The following ADCY1 variants were observed in gnomAD, a reference collection of about 807,000 sequenced individuals.
ADCY1 encodes the protein adenylate cyclase type 1.
ADCY1 carries 28 observed loss-of-function variants against 105.4 expected under a neutral mutation model. That is an observed-to-expected ratio of 0.27 (90% CI 0.20 to 0.36). ADCY1 has a LOEUF of 0.36. Among genes scored for constraint, ADCY1 ranks in the 10% least tolerant of loss-of-function variants. ADCY1 has a pLI of 1.00. For missense variants in ADCY1, 977 were observed against 1,434.2 expected (o/e 0.68, Z 5.15); for synonymous variants, 655 against 623.8 (o/e 1.05, Z -0.75).
chr7:45,643,818 C>T (rs1048248225), intron 4 of ADCY1, among the ~76,000 whole-genome samples: 2 of 152,082 alleles, frequency 1.3e-5, no homozygotes, highest in Admixed American at 1.3e-4. Flanking sequence ...CTTTTTGATG[C>T]TGGTAGTGCA....
At chr7:45,633,585 C>T (rs572656594) in intron 4 of ADCY1, among the ~76,000 whole-genome samples, 39 of 152,174 alleles carry the variant, frequency 2.6e-4, no homozygotes, top group African/African-American at 8.9e-4. Flanking sequence ...GGGCGGATCA[C>T]GAGATCAAGA....
intron 4 of ADCY1, among the ~76,000 whole-genome samples, chr7:45,628,174 G>A (rs1181745892): frequency 1.3e-5 from 2 of 152,194 alleles, no homozygotes; most frequent in Non-Finnish European, 2.9e-5. Flanking sequence ...CCTGGATTTT[G>A]CAGGCCAGAG....
chr7:45,699,557 G>A (rs1424641396), intron 14 of ADCY1, among the ~76,000 whole-genome samples: 1 of 151,560 alleles, frequency 6.6e-6, no homozygotes, highest in Non-Finnish European at 1.5e-5. Flanking sequence ...GCCAGGGTGA[G>A]AGCTGCGGAC....
chr7:45,700,584 G>A (rs142271018), intron 14 of ADCY1, among the ~76,000 whole-genome samples: 1,809 of 152,314 alleles, frequency 0.012, 18 homozygotes, highest in Middle Eastern at 0.031. Context: ...GGTTTGGGGA[G>A]AGGGCATCAC....
intron 14 of ADCY1, among the ~76,000 whole-genome samples, chr7:45,697,391 T>A (rs1784906404): frequency 2.0e-5 from 3 of 150,002 alleles, no homozygotes; most frequent in Admixed American, 2.0e-4. Flanking sequence ...TTTACCTTTT[T>A]TTTTTTTTTT....
chr7:45,708,947 T>G lies in ADCY1; in HGVS notation c.2932+483T>G, dbSNP rs1469184110. ...TGGATGCCCCAGTTCCTTTCTAGCT[T>G]TTATAAAACTATGATTTGTTGTTTT... On this transcript the variant is annotated intron_variant, in intron 18 of 19. Coordinates refer to ENST00000297323, the MANE Select transcript of ADCY1 (RefSeq NM_021116.4). This position sits in a 1 kb window ranked among gnomAD's most constrained non-coding sequence, Gnocchi z 4.7. Among the ~76,000 whole-genome samples, 1 of 151,624 alleles carries G rather than the reference T, an allele frequency of 6.6e-6. No individual in the cohort carries two copies. Among genetic ancestry groups the G allele is most frequent in the African/African-American group, 2.4e-5 (1 of 41,134 alleles).
chr7:45,703,481 C>T lies in ADCY1; in HGVS notation c.2560C>T (p.Pro854Ser). 1 of 1,614,112 alleles carries T rather than the reference C, an allele frequency of 6.2e-7. No homozygotes were observed. The highest frequency in any genetic ancestry group is 1.3e-5 in the African/African-American group (1 of 75,016). Residue 854 changes from proline to serine, a missense_variant, in exon 15 of 20, where the codon CCT (proline) becomes TCT (serine). Transcript: ENST00000297323. This position sits in a 1 kb window ranked among gnomAD's most constrained non-coding sequence, Gnocchi z 5.9. ...HVAQHFLMSN[P>S]RNMDLYYQSY... is the part of the protein sequence containing the mutation. ...CGCCCAGCACTTCCTCATGTCCAAC[C>T]CTCGGAACATGGTGAGCACCCAGCC...
chr7:45,640,056 G>A (rs987756782), intron 4 of ADCY1, among the ~76,000 whole-genome samples: 1 of 152,196 alleles, frequency 6.6e-6, no homozygotes, highest in African/African-American at 2.4e-5. Flanking sequence ...TAAGACAAGT[G>A]TTGTGCCGGG....
At chr7:45,695,766 T>C (rs1322715194) in intron 14 of ADCY1, among the ~76,000 whole-genome samples, 1 of 152,242 alleles carries the variant, frequency 6.6e-6, no homozygotes, top group Non-Finnish European at 1.5e-5. Flanking sequence ...TGGCAGTCAC[T>C]GTGCAACAAG....
intron 1 of ADCY1, among the ~76,000 whole-genome samples, chr7:45,580,474 G>A (rs1677343196): frequency 6.6e-6 from 1 of 152,210 alleles, no homozygotes; most frequent in African/African-American, 2.4e-5. Flanking sequence ...CTGGGGTACC[G>A]GGAGAATAAG....
chr7:45,632,423 A>G lies in ADCY1; in HGVS notation c.1020+9680A>G, dbSNP rs1457134534. 2.0e-5 allele frequency among the ~76,000 whole-genome samples: 3 copies of G among 152,366 alleles called. No individual in the cohort carries two copies. In the East Asian group the frequency reaches 5.8e-4, roughly 29 times the overall value. ...TGTTACCAATCTTCGGAGGATTAAC[A>G]TTTAAAAAATAGTCTTCTGATTCAC... On this transcript the variant is annotated intron_variant, in intron 4 of 19. Transcript: ENST00000297323.
At chr7:45,679,633 C>T (rs1784519672) in intron 10 of ADCY1, 76 bp from the exon 11 acceptor site, 3 of 1,471,228 alleles carry the variant, frequency 2.0e-6, no homozygotes, top group Non-Finnish European at 2.8e-6. Flanking sequence ...AGGGAGGGGC[C>T]AATTCTCAGC....
intron 14 of ADCY1, among the ~76,000 whole-genome samples, chr7:45,698,031 T>A (rs144239444): frequency 1.4e-3 from 210 of 152,338 alleles, no homozygotes; most frequent in Admixed American, 3.5e-3. Flanking sequence ...GGGCCATGGA[T>A]GGGACAAACA....
intron 11 of ADCY1, among the ~76,000 whole-genome samples, chr7:45,682,623 C>G (rs1784582891): frequency 6.6e-6 from 1 of 152,182 alleles, no homozygotes; most frequent in African/African-American, 2.4e-5. Flanking sequence ...CTGGTGCTCA[C>G]AGACCTGCAT....
At chr7:45,687,362 G>A (rs187954396) in intron 14 of ADCY1, among the ~76,000 whole-genome samples, 1 of 152,318 alleles carries the variant, frequency 6.6e-6, no homozygotes, top group African/African-American at 2.4e-5. Context: ...CGGAGCCACA[G>A]CAGGGGTGTA....
chr7:45,658,478 G>T (rs537750170), intron 6 of ADCY1, among the ~76,000 whole-genome samples: 2 of 152,280 alleles, frequency 1.3e-5, no homozygotes, highest in South Asian at 2.1e-4. Context: ...TCTCCCTTTT[G>T]TATGATCTCG....
chr7:45,637,620 G>A (rs1392028648), intron 4 of ADCY1, among the ~76,000 whole-genome samples: 1 of 152,216 alleles, frequency 6.6e-6, no homozygotes, highest in East Asian at 1.9e-4. Context: ...ACTTATTTGG[G>A]AGGCTGAGGC....
chr7:45,662,886 A>G (rs1052231599), intron 8 of ADCY1, among the ~76,000 whole-genome samples: 1 of 152,168 alleles, frequency 6.6e-6, no homozygotes, highest in Admixed American at 6.5e-5. Context: ...GGGCTTTTGC[A>G]GTTCCAGTGT....
At chr7:45,612,859 C>G (rs1260713853) in intron 3 of ADCY1, among the ~76,000 whole-genome samples, 1 of 152,158 alleles carries the variant, frequency 6.6e-6, no homozygotes, top group Non-Finnish European at 1.5e-5. Context: ...CTTCCCCCTA[C>G]TCACCCCCTT....
Sources: allele counts gnomAD v4.1 joint callset (sites outside exome capture counted in the v4.1 genomes callset), GRCh38; gene constraint gnomAD v4.1.1; non-coding constraint Gnocchi (gnomAD v3.1); transcripts MANE v1.5; gene names NCBI Gene and HGNC (gene_info 2026-07-23, HGNC 2026-07-21).